The following MACROD2 variants were observed in gnomAD, a reference collection of about 807,000 sequenced individuals.
The protein encoded by MACROD2 is ADP-ribose glycohydrolase MACROD2.
MACROD2 carries 36 observed loss-of-function variants against 70.4 expected under a neutral mutation model. The observed-to-expected ratio is 0.51, with a 90% CI of 0.39 to 0.68. MACROD2 has a LOEUF of 0.68. MACROD2 is among the 30% of genes least tolerant of loss of function. MACROD2 has a pLI of 0.00. For missense variants in MACROD2, 496 were observed against 538.4 expected (o/e 0.92, Z 0.78); for synonymous variants, 172 against 178.8 (o/e 0.96, Z 0.30).
intron 6 of MACROD2, among the ~76,000 whole-genome samples, chr20:15,428,772 T>C (rs890588591): frequency 1.3e-5 from 2 of 152,228 alleles, no homozygotes; most frequent in African/African-American, 2.4e-5. Flanking sequence ...ATTTGTATTG[T>C]ATTTTTTTTC....
chr20:15,260,268 C>T (rs1205282527), intron 6 of MACROD2, among the ~76,000 whole-genome samples: 1 of 150,796 alleles, frequency 6.6e-6, no homozygotes, highest in Non-Finnish European at 1.5e-5. Flanking sequence ...TTAACCATTC[C>T]CTCTTTATCC....
At chr20:14,227,323 G>A (rs1466679132) in intron 3 of MACROD2, among the ~76,000 whole-genome samples, 1 of 152,128 alleles carries the variant, frequency 6.6e-6, no homozygotes, top group Non-Finnish European at 1.5e-5. Flanking sequence ...CATGGTGGAA[G>A]CTTTGTTCTT....
At chr20:15,439,944 A>G (rs554118981) in intron 7 of MACROD2, among the ~76,000 whole-genome samples, 100 of 152,258 alleles carry the variant, frequency 6.6e-4, no homozygotes, top group African/African-American at 2.3e-3. Context: ...AGCAGTCTCT[A>G]AACAGATCTG....
chr20:14,006,604 AT>A (rs2052825685), intron 2 of MACROD2, among the ~76,000 whole-genome samples: 1 of 152,058 alleles, frequency 6.6e-6, no homozygotes, highest in Non-Finnish European at 1.5e-5. Flanking sequence ...CTCATAAAGG[AT>A]TTTTTCTTTT....
chr20:14,443,065 C>T (rs1375511858), intron 3 of MACROD2, among the ~76,000 whole-genome samples: 7 of 149,740 alleles, frequency 4.7e-5, no homozygotes, highest in African/African-American at 1.7e-4. Flanking sequence ...GGCAACAGAG[C>T]GAGACTCTGT....
chr20:15,327,113 T>C (rs985079465), intron 6 of MACROD2, among the ~76,000 whole-genome samples: 13 of 152,302 alleles, frequency 8.5e-5, no homozygotes, highest in African/African-American at 3.1e-4. Flanking sequence ...GTTTGTATTT[T>C]TTTGCTAGGT....
chr20:14,530,624 A>G (rs965183156), intron 4 of MACROD2, among the ~76,000 whole-genome samples: 1 of 152,220 alleles, frequency 6.6e-6, no homozygotes, highest in Admixed American at 6.5e-5. Context: ...TTAAAGGTCA[A>G]AACCTTATAT....
Position 15,163,109 on chromosome 20 carries a change from GAATTTT to G in MACROD2, c.419-66828_419-66823del, listed in dbSNP as rs147021556. 7.6e-3 allele frequency among the ~76,000 whole-genome samples: 1,156 copies of G among 151,952 alleles called. 9 individuals are homozygous for G. Among genetic ancestry groups the G allele is most frequent in the African/African-American group, 0.027 (1,111 of 41,508 alleles). Reference sequence around the variant, plus strand: ...CTAGTAAACACTGAAACTATAACATGAATTTTAAGTTTGAATTGAACAGAATAGGGT... The same window carrying G: ...CTAGTAAACACTGAAACTATAACATGAAGTTTGAATTGAACAGAATAGGGT... On this transcript the variant is annotated intron_variant, in intron 5 of 17. Transcript: ENST00000684519.
At chr20:14,516,173 A>G (rs968178922) in intron 4 of MACROD2, among the ~76,000 whole-genome samples, 2 of 151,646 alleles carry the variant, frequency 1.3e-5, no homozygotes, top group South Asian at 2.1e-4. Flanking sequence ...CTTAACAAGT[A>G]TTGCTCACCT....
intron 2 of MACROD2, among the ~76,000 whole-genome samples, chr20:14,036,342 G>T (rs1311192588): frequency 1.3e-5 from 2 of 152,164 alleles, no homozygotes; most frequent in Non-Finnish European, 2.9e-5. Flanking sequence ...TTTGCTTAGT[G>T]TACTTGAACT....
chr20:15,224,034 G>A (rs1018070467), intron 5 of MACROD2, among the ~76,000 whole-genome samples: 1 of 152,142 alleles, frequency 6.6e-6, no homozygotes, highest in Non-Finnish European at 1.5e-5. Flanking sequence ...TAGCCCACAT[G>A]GAGAGTCCTT....
intron 3 of MACROD2, among the ~76,000 whole-genome samples, chr20:14,448,669 GA>G (rs370604112): frequency 2.0e-5 from 3 of 146,806 alleles, no homozygotes; most frequent in African/African-American, 5.1e-5. Context: ...CTCCCTCTCA[GA>G]AAAAAAAAAG....
At chr20:15,207,954 C>T (rs928592956) in intron 5 of MACROD2, among the ~76,000 whole-genome samples, 8 of 152,070 alleles carry the variant, frequency 5.3e-5, no homozygotes, top group Non-Finnish European at 1.2e-4. Flanking sequence ...ATATCATTGG[C>T]CAAATGTGGG....
chr20:15,685,198 C>T (rs6105455), intron 8 of MACROD2, among the ~76,000 whole-genome samples: 19,119 of 152,060 alleles, frequency 0.13, 1,301 homozygotes, highest in South Asian at 0.18. Context: ...TGCATGGGAT[C>T]CATCAGCACC....
chr20:15,382,859 A>C (rs6074885), intron 6 of MACROD2, among the ~76,000 whole-genome samples: 16,802 of 152,152 alleles, frequency 0.11, 1,172 homozygotes, highest in Non-Finnish European at 0.16. Flanking sequence ...AAATTTGGCC[A>C]AGAAATGAAG....
At chr20:15,488,112 G>A (rs933791164) in intron 7 of MACROD2, among the ~76,000 whole-genome samples, 1 of 152,130 alleles carries the variant, frequency 6.6e-6, no homozygotes, top group Non-Finnish European at 1.5e-5. Context: ...ACAGGCCTTT[G>A]TCAAAACCCC....
intron 6 of MACROD2, among the ~76,000 whole-genome samples, chr20:15,399,752 T>C (rs73901023): frequency 0.047 from 7,096 of 152,258 alleles, 419 homozygotes; most frequent in African/African-American, 0.13. Context: ...CTTGTTGTGA[T>C]TGGCTTTTTC....
chr20:14,198,785 G>T (rs1016407082), intron 3 of MACROD2, among the ~76,000 whole-genome samples: 1 of 151,624 alleles, frequency 6.6e-6, no homozygotes, highest in Non-Finnish European at 1.5e-5. Context: ...ATGCTTATCT[G>T]TAAGTATTCA....
chr20:15,878,064 C>T (rs934976122), intron 9 of MACROD2, among the ~76,000 whole-genome samples: 13 of 152,030 alleles, frequency 8.6e-5, no homozygotes, highest in Admixed American at 4.6e-4. Context: ...CTCCTTGAGG[C>T]TAGTCTCCAT....
Sources: gnomAD v4.1 joint callset for allele counts (sites outside exome capture counted in the v4.1 genomes callset) on GRCh38, gnomAD v4.1.1 for gene constraint, MANE v1.5 for transcripts, NCBI Gene and HGNC (gene_info 2026-07-23, HGNC 2026-07-21) for gene names.